Variants in DCAF1 observed in about 807,000 individuals in gnomAD.
DCAF1 encodes DDB1 and CUL4 associated factor 1, also known as DDB1- and CUL4-associated factor 1.
DCAF1 carries 15 observed loss-of-function variants against 128.0 expected under a neutral mutation model. The observed-to-expected ratio is 0.12, with a 90% confidence interval of 0.08 to 0.18. DCAF1 has a LOEUF of 0.18. DCAF1 is among the 10% of genes least tolerant of loss of function. The probability of loss-of-function intolerance (pLI) is 1.00; values close to 1 mark genes in which losing one functional copy is unlikely to be tolerated. For synonymous variants in DCAF1, 610 were observed against 603.0 expected, an observed-to-expected ratio of 1.01 and a Z score of -0.17; for missense variants, 988 against 1,649.5, an observed-to-expected ratio of 0.60 and a Z score of 6.95.
chr3:51,496,478 TA>T (rs1444543801), intron 2 of DCAF1, among the ~76,000 whole-genome samples: 1 of 151,844 alleles, frequency 6.6e-6, no homozygotes, highest in Non-Finnish European at 1.5e-5. Context: ...CTCAAGTTCT[TA>T]AGTGAGTTCC....
At chr3:51,438,490 A>G (rs1553637700) in intron 9 of DCAF1, among the ~76,000 whole-genome samples, 1 of 152,266 alleles carries the variant, frequency 6.6e-6, no homozygotes, top group East Asian at 1.9e-4. Flanking sequence ...GATACAAGTG[A>G]AGTTGAATTG....
At chr3:51,463,921 C>T (rs1431506620) in intron 5 of DCAF1, among the ~76,000 whole-genome samples, 3 of 152,150 alleles carry the variant, frequency 2.0e-5, no homozygotes, top group African/African-American at 7.2e-5. Context: ...GTGGCACAAG[C>T]ATGGCTCACT....
intron 2 of DCAF1, among the ~76,000 whole-genome samples, chr3:51,486,253 C>T (rs150557223): frequency 1.3e-5 from 2 of 149,016 alleles, no homozygotes; most frequent in African/African-American, 5.0e-5. Flanking sequence ...AGTGCAGTAG[C>T]GCGGTCCCAG....
At chr3:51,473,554 G>C (rs1705053218) in intron 3 of DCAF1, among the ~76,000 whole-genome samples, 1 of 144,732 alleles carries the variant, frequency 6.9e-6, no homozygotes, top group Non-Finnish European at 1.5e-5. Flanking sequence ...TCACTCTGTT[G>C]CTCAGGCTGG....
At chr3:51,472,262 A>G (rs926554544) in intron 3 of DCAF1, among the ~76,000 whole-genome samples, 3 of 152,186 alleles carry the variant, frequency 2.0e-5, no homozygotes, top group African/African-American at 7.2e-5. Context: ...TCAGGGTTAC[A>G]GTGCTATTAA....
intron 6 of DCAF1, among the ~76,000 whole-genome samples, chr3:51,457,172 T>A (rs1389115002): frequency 1.3e-5 from 2 of 151,868 alleles, no homozygotes; most frequent in Middle Eastern, 3.4e-3. Flanking sequence ...TGAAAAAAAA[T>A]TAGACAAATG....
At chr3:51,409,174 G>C (rs1226521638) in intron 23 of DCAF1, among the ~76,000 whole-genome samples, 1 of 152,180 alleles carries the variant, frequency 6.6e-6, no homozygotes, top group African/African-American at 2.4e-5. Context: ...AAAAGAAGAA[G>C]AATTAGTCAG....
chr3:51,494,305 G>A (rs958136501), intron 2 of DCAF1, among the ~76,000 whole-genome samples: 2 of 151,740 alleles, frequency 1.3e-5, no homozygotes, highest in Non-Finnish European at 2.9e-5. Flanking sequence ...TAGTACAGAC[G>A]GGGTTTCACC....
At chr3:51,412,358 G>T in intron 23 of DCAF1, 21 bp downstream of exon 23, 5 of 1,613,544 alleles carry the variant, frequency 3.1e-6, no homozygotes, top group Non-Finnish European at 3.4e-6. Context: ...TCAGCAGAAA[G>T]AAATCTCAAA....
intron 14 of DCAF1, among the ~76,000 whole-genome samples, chr3:51,421,879 GT>G (rs200424866): frequency 4.6e-5 from 4 of 87,808 alleles, no homozygotes; most frequent in Non-Finnish European, 6.8e-5. Flanking sequence ...TTACTTTGTT[GT>G]TTTTTTTTCC....
At chr3:51,499,607 G>A (rs1553663208) in intron 1 of DCAF1, among the ~76,000 whole-genome samples, 2 of 151,822 alleles carry the variant, frequency 1.3e-5, no homozygotes, top group African/African-American at 4.8e-5. Flanking sequence ...ACTCCGGGCG[G>A]AAGAGTTACT....
At chr3:51,443,088 G>A (rs1701517328) in intron 7 of DCAF1, among the ~76,000 whole-genome samples, 1 of 151,978 alleles carries the variant, frequency 6.6e-6, no homozygotes, top group African/African-American at 2.4e-5. Flanking sequence ...AATTTGATGG[G>A]GGGGAGGGAA....
intron 9 of DCAF1, among the ~76,000 whole-genome samples, chr3:51,434,717 A>G (rs1490765997): frequency 9.2e-5 from 14 of 152,362 alleles, no homozygotes; most frequent in African/African-American, 3.4e-4. Context: ...TATTTTTAGA[A>G]CTAACCACGT....
intron 9 of DCAF1, among the ~76,000 whole-genome samples, chr3:51,439,600 C>T (rs1701178427): frequency 1.3e-5 from 2 of 151,994 alleles, no homozygotes; most frequent in Non-Finnish European, 2.9e-5. Flanking sequence ...TGCCATCATG[C>T]CCAGCTAATT....
intron 3 of DCAF1, among the ~76,000 whole-genome samples, chr3:51,482,487 G>A (rs1177686350): frequency 3.3e-5 from 5 of 150,016 alleles, no homozygotes; most frequent in Admixed American, 6.7e-5. Context: ...TCACCAGGAC[G>A]GGCGCAGTGG....
At chr3:51,426,828 A>AAC (rs76373409) in intron 13 of DCAF1, among the ~76,000 whole-genome samples, 11,266 of 152,166 alleles carry the variant, frequency 0.074, 969 homozygotes, top group East Asian at 0.33. Context: ...TCTTTTTCAA[A>AAC]ACAGTTTTAT....
chr3:51,477,318 A>G (rs539394197), intron 3 of DCAF1, among the ~76,000 whole-genome samples: 2 of 144,236 alleles, frequency 1.4e-5, no homozygotes, highest in South Asian at 2.2e-4. Flanking sequence ...ATGAGTGAAG[A>G]AAAAAAAAAA....
chr3:51,433,078 T>C, intron 10 of DCAF1, 28 bp downstream of exon 10: 1 of 398,448 alleles, frequency 2.5e-6, no homozygotes, highest in East Asian at 3.6e-5. Flanking sequence ...CCTAATCTCA[T>C]CCCCACAAAC....
downstream of DCAF1, chr3:51,396,262 C>T (rs1489661423): frequency 1.8e-5 from 4 of 226,398 alleles, no homozygotes; most frequent in Non-Finnish European, 3.7e-5. Context: ...TCAACCTTTG[C>T]CTTATCCAAC....
Sources: gnomAD v4.1 joint callset for allele counts (sites outside exome capture counted in the v4.1 genomes callset) on GRCh38, gnomAD v4.1.1 for gene constraint, MANE v1.5 for transcripts, NCBI Gene and HGNC (gene_info 2026-07-23, HGNC 2026-07-21) for gene names.